Variants in STK32B observed in about 807,000 individuals in gnomAD.
The protein encoded by STK32B is serine/threonine kinase 32B.
Under a neutral mutation model 52.6 loss-of-function variants are expected in STK32B, and 43 were observed. The observed-to-expected ratio is 0.82, with a 90% CI of 0.64 to 1.05. The LOEUF (loss-of-function observed/expected upper bound fraction) is 1.05, where lower values mean the gene tolerates loss of function less well. Among genes scored for constraint, STK32B ranks in the 50% least tolerant of loss-of-function variants. STK32B has a pLI of 0.00. For synonymous variants in STK32B, 238 were observed against 204.3 expected (o/e 1.17, Z -1.41); for missense variants, 621 against 534.6 (o/e 1.16, Z -1.59).
intron 4 of STK32B, among the ~76,000 whole-genome samples, chr4:5,355,322 C>T (rs1410790949): frequency 6.6e-6 from 1 of 152,152 alleles, no homozygotes; most frequent in African/African-American, 2.4e-5. Flanking sequence ...GCCCATCTCT[C>T]CAGACTTGAC....
chr4:5,263,533 C>A (rs757321036), intron 3 of STK32B, among the ~76,000 whole-genome samples: 3 of 152,226 alleles, frequency 2.0e-5, no homozygotes, highest in African/African-American at 7.2e-5. Flanking sequence ...CAGAACTCAG[C>A]TCCATCCACC....
At chr4:5,303,392 G>GTATC (rs1486412217) in intron 3 of STK32B, among the ~76,000 whole-genome samples, 1 of 152,080 alleles carries the variant, frequency 6.6e-6, no homozygotes, top group African/African-American at 2.4e-5. Flanking sequence ...GAGTGATGTG[G>GTATC]TATCGCATTG....
At chr4:5,129,727 T>G (rs912424732) in intron 1 of STK32B, among the ~76,000 whole-genome samples, 1 of 152,192 alleles carries the variant, frequency 6.6e-6, no homozygotes, top group African/African-American at 2.4e-5. Flanking sequence ...GAAGTAGGTA[T>G]CATTGTGCCT....
chr4:5,198,400 C>A (rs1038869469), intron 3 of STK32B, among the ~76,000 whole-genome samples: 9 of 152,180 alleles, frequency 5.9e-5, no homozygotes, highest in African/African-American at 2.2e-4. Flanking sequence ...GTAGCTTATA[C>A]TTGTTTTAAT....
intron 6 of STK32B, among the ~76,000 whole-genome samples, chr4:5,421,936 A>G (rs369473635): frequency 5.3e-5 from 8 of 152,200 alleles, no homozygotes; most frequent in East Asian, 3.9e-4. Context: ...AGCCAAGTCT[A>G]TTTTGATCTG....
chr4:5,263,776 A>G (rs1235349013), intron 3 of STK32B, among the ~76,000 whole-genome samples: 1 of 152,232 alleles, frequency 6.6e-6, no homozygotes, highest in Non-Finnish European at 1.5e-5. Context: ...CTCACTTTAT[A>G]GACTATTTCT....
At chr4:5,060,567 G>C (rs1742180060) in intron 1 of STK32B, among the ~76,000 whole-genome samples, 1 of 150,786 alleles carries the variant, frequency 6.6e-6, no homozygotes, top group East Asian at 2.0e-4. Context: ...CTAGGTTTTT[G>C]AGATGGAGCC....
At chr4:5,159,008 C>T (rs1283684645) in intron 2 of STK32B, among the ~76,000 whole-genome samples, 2 of 152,320 alleles carry the variant, frequency 1.3e-5, no homozygotes, top group Admixed American at 6.5e-5. Flanking sequence ...CCATCACTCA[C>T]CTCTGTCATC....
chr4:5,156,997 A>G (rs1717909082), intron 2 of STK32B, among the ~76,000 whole-genome samples: 1 of 152,178 alleles, frequency 6.6e-6, no homozygotes, highest in Non-Finnish European at 1.5e-5. Context: ...AGTGTGAAAA[A>G]AAAAAGATTT....
chr4:5,336,469 A>G (rs1477765098), intron 4 of STK32B, among the ~76,000 whole-genome samples: 2 of 152,162 alleles, frequency 1.3e-5, no homozygotes, highest in African/African-American at 4.8e-5. Flanking sequence ...CTTAGGTTAA[A>G]CAGTGACTCT....
chr4:5,248,297 G>A (rs1195362744), intron 3 of STK32B, among the ~76,000 whole-genome samples: 1 of 152,204 alleles, frequency 6.6e-6, no homozygotes, highest in Admixed American at 6.5e-5. Flanking sequence ...ATTCAGGCAT[G>A]TAGATGCCCT....
chr4:5,426,692 C>CAATAAAA (rs1713127574), intron 6 of STK32B, among the ~76,000 whole-genome samples: 1 of 78,014 alleles, frequency 1.3e-5, no homozygotes, highest in Non-Finnish European at 2.4e-5. Flanking sequence ...TCCATCTAAA[C>CAATAAAA]AAAAAAAAAA....
chr4:5,342,278 C>T (rs10004304), intron 4 of STK32B, among the ~76,000 whole-genome samples: 53,414 of 152,006 alleles, frequency 0.35, 12,270 homozygotes, highest in African/African-American at 0.66. Flanking sequence ...CTATTCACAA[C>T]AGCAAAGACT....
intron 11 of STK32B, among the ~76,000 whole-genome samples, chr4:5,497,053 A>AT (rs549895547): frequency 2.6e-5 from 4 of 151,666 alleles, no homozygotes; most frequent in East Asian, 1.9e-4. Context: ...GTTTTCAACA[A>AT]TTTTTTTTTA....
chr4:5,026,536 G>A, the STK32B span, among the ~76,000 whole-genome samples: 1 of 152,178 alleles, frequency 6.6e-6, no homozygotes, highest in South Asian at 2.1e-4. Flanking sequence ...ACCATCATGA[G>A]AACAGTATAA....
rs2166688 is a variant in STK32B, at chr4:5,058,820, A to C, written c.52+6905A>C. On this transcript the variant is annotated intron_variant, in intron 1 of 11. Transcript: ENST00000282908. The surrounding 1 kb of genome is among the most constrained non-coding windows in gnomAD (Gnocchi z 4.8). The stretch of plus-strand genomic sequence containing the variant: ...GGATGGAGTGCAGTGGCGTGGTATC[A>C]GCTCACTGCAACCTCTGCCTCCCAG... Among the ~76,000 whole-genome samples the C allele has an allele frequency of 6.6e-6, 1 of 151,912 alleles. No homozygotes were observed. Among genetic ancestry groups the C allele is most frequent in the African/African-American group, 2.4e-5 (1 of 41,474 alleles).
At chr4:5,146,193 G>A (rs1716900614) in intron 2 of STK32B, among the ~76,000 whole-genome samples, 1 of 151,996 alleles carries the variant, frequency 6.6e-6, no homozygotes, top group Admixed American at 6.6e-5. Flanking sequence ...AAGGAGAATT[G>A]CCTCACATGA....
chr4:5,281,625 A>C (rs1368668493), intron 3 of STK32B, among the ~76,000 whole-genome samples: 1 of 152,208 alleles, frequency 6.6e-6, no homozygotes, highest in African/African-American at 2.4e-5. Context: ...AAATATAATA[A>C]GCAAATAAAA....
intron 3 of STK32B, among the ~76,000 whole-genome samples, chr4:5,270,826 G>A (rs996012835): frequency 6.6e-6 from 1 of 152,156 alleles, no homozygotes; most frequent in Non-Finnish European, 1.5e-5. Context: ...CAAAAAGATA[G>A]TAAAACTAAT....
Sources: allele counts gnomAD v4.1 joint callset (sites outside exome capture counted in the v4.1 genomes callset), GRCh38; gene constraint gnomAD v4.1.1; non-coding constraint Gnocchi (gnomAD v3.1); transcripts MANE v1.5; gene names NCBI Gene and HGNC (gene_info 2026-07-23, HGNC 2026-07-21).